The following RNF144B variants were observed in gnomAD, a reference collection of about 807,000 sequenced individuals.
The protein encoded by RNF144B is ring finger protein 144B.
Under a neutral mutation model 40.2 loss-of-function variants are expected in RNF144B, and 25 were observed. That is an observed-to-expected ratio of 0.62 (90% confidence interval 0.45 to 0.87). The LOEUF (loss-of-function observed/expected upper bound fraction) is 0.87. Among genes scored for constraint, RNF144B ranks in the 40% least tolerant of loss-of-function variants. The pLI is 0.00. For synonymous variants in RNF144B, 145 were observed against 136.3 expected (o/e 1.06, Z -0.44); for missense variants, 365 against 373.7 (o/e 0.98, Z 0.19).
At chr6:18,463,811 A>C (rs971203265) in intron 7 of RNF144B, among the ~76,000 whole-genome samples, 1 of 152,224 alleles carries the variant, frequency 6.6e-6, no homozygotes, top group Admixed American at 6.5e-5. Context: ...ACAATTCCAC[A>C]TGGCTGGGGA....
rs1003444040 is a variant in RNF144B, at chr6:18,457,838, G to A, written c.536+479G>A. ...CCTAAATTCTTTCAGCACGTAGAAA[G>A]GAGGGTTCTCTCATGATATTTTATG... On this transcript the variant is annotated intron_variant, in intron 5 of 7. Transcript: ENST00000259939. The surrounding 1 kb of genome is among the most constrained non-coding windows in gnomAD (Gnocchi z 5.1). Among the ~76,000 whole-genome samples the A allele has an allele frequency of 2.0e-5, 3 of 152,200 alleles. No individual in the cohort carries two copies. Among genetic ancestry groups the A allele is most frequent in the Non-Finnish European group, 4.4e-5 (3 of 68,032 alleles).
intron 1 of RNF144B, 51 bp from the exon 2 acceptor site, chr6:18,399,448 C>G (rs1391247752): frequency 1.5e-6 from 2 of 1,330,556 alleles, no homozygotes; most frequent in Non-Finnish European, 2.1e-6. Flanking sequence ...GTTGGCTAAA[C>G]AATAGCTTTA....
At chr6:18,404,479 T>TA (rs1363857992) in intron 2 of RNF144B, among the ~76,000 whole-genome samples, 2 of 152,174 alleles carry the variant, frequency 1.3e-5, no homozygotes, top group Non-Finnish European at 2.9e-5. Context: ...GCTGAGCTGT[T>TA]ACGTTCTTCA....
chr6:18,399,033 C>CT (rs1158050138), intron 1 of RNF144B, among the ~76,000 whole-genome samples: 4 of 152,270 alleles, frequency 2.6e-5, no homozygotes, highest in Non-Finnish European at 5.9e-5. Flanking sequence ...TATATAAATG[C>CT]TTAAATCAAG....
At chr6:18,462,385 A>G (rs1279783233) in intron 6 of RNF144B, among the ~76,000 whole-genome samples, 1 of 151,702 alleles carries the variant, frequency 6.6e-6, no homozygotes, top group Non-Finnish European at 1.5e-5. Context: ...CAGTGATACC[A>G]CCTCTGTTGG....
chr6:18,439,639 C>T (rs768731528), intron 3 of RNF144B, 45 bp from the exon 4 acceptor site: 3 of 1,315,922 alleles, frequency 2.3e-6, no homozygotes, highest in Non-Finnish European at 3.3e-6. Context: ...TAACTCAGGG[C>T]ACTATGATGA....
Position 18,459,631 on chromosome 6 carries a change from A to G in RNF144B, c.561A>G (p.Glu187=). The change falls in exon 6 of 8, where the codon GAA becomes GAG. Residue 187 remains glutamate, a synonymous_variant. Transcript: ENST00000259939. This position sits in a 1 kb window ranked among gnomAD's most constrained non-coding sequence, Gnocchi z 4.2. ...EHRALFGTDA[E]APIKQCPVCR... Reference sequence around the variant, plus strand: ...GAGCCCTCTTTGGGACAGATGCAGAAGCCCCCATTAAGCAGTGCCCAGTTT... The same window carrying G: ...GAGCCCTCTTTGGGACAGATGCAGAGGCCCCCATTAAGCAGTGCCCAGTTT... 1.2e-6 allele frequency: 2 copies of G among 1,613,902 alleles called. No individual in the cohort carries two copies. Among genetic ancestry groups the G allele is most frequent in the Non-Finnish European group, 1.7e-6 (2 of 1,179,856 alleles).
In RNF144B at chr6:18,405,096, A is replaced by T. The variant is rs991262495; in HGVS notation, c.165+5397A>T. 6.6e-6 allele frequency among the ~76,000 whole-genome samples: 1 copy of T among 151,852 alleles called. No homozygotes were observed. The highest frequency in any genetic ancestry group is 2.4e-5 in the African/African-American group (1 of 41,330). On this transcript the variant is annotated intron_variant, in intron 2 of 7. Transcript: ENST00000259939. The surrounding 1 kb of genome is among the most constrained non-coding windows in gnomAD (Gnocchi z 4.5). ...TTCTGCCAGTTCAAAGCACTGTATT[A>T]TTCTGTTGGTTTCTGGTACCTAAAT...
At chr6:18,452,616 T>TA (rs1759232919) in intron 4 of RNF144B, among the ~76,000 whole-genome samples, 1 of 152,094 alleles carries the variant, frequency 6.6e-6, no homozygotes. Flanking sequence ...AAACCAATTT[T>TA]AAAAAATTAT....
intron 2 of RNF144B, among the ~76,000 whole-genome samples, chr6:18,407,870 A>G (rs1207280193): frequency 6.6e-6 from 1 of 152,038 alleles, no homozygotes; most frequent in Non-Finnish European, 1.5e-5. Flanking sequence ...GCCTGCTATT[A>G]GTTCCAATTC....
chr6:18,431,712 C>A (rs934798938), intron 3 of RNF144B, among the ~76,000 whole-genome samples: 6 of 152,198 alleles, frequency 3.9e-5, no homozygotes, highest in Admixed American at 2.6e-4. Context: ...ACACGTGATT[C>A]TTCATTCTTC....
intron 3 of RNF144B, among the ~76,000 whole-genome samples, chr6:18,431,059 A>G (rs1271040225): frequency 6.6e-6 from 1 of 151,912 alleles, no homozygotes; most frequent in East Asian, 1.9e-4. Flanking sequence ...GGGCTAACAC[A>G]GTGAAACCCC....
intron 2 of RNF144B, among the ~76,000 whole-genome samples, chr6:18,421,835 G>T (rs1758435844): frequency 6.6e-6 from 1 of 152,174 alleles, no homozygotes; most frequent in Admixed American, 6.5e-5. Context: ...ATGAGGCAGG[G>T]AAGGCTTCTG....
At chr6:18,429,430 A>G (rs1758643943) in intron 3 of RNF144B, among the ~76,000 whole-genome samples, 1 of 152,170 alleles carries the variant, frequency 6.6e-6, no homozygotes, top group Non-Finnish European at 1.5e-5. Flanking sequence ...ACAGTTTTTA[A>G]CAATTTGTGT....
rs147797969 is a variant in RNF144B at position 18,462,560 on chromosome 6, C to T, written c.682-731C>T. Among the ~76,000 whole-genome samples, 16 of 152,286 alleles carry T rather than the reference C, an allele frequency of 1.1e-4. No individual in the cohort carries two copies. In the East Asian group the frequency reaches 3.1e-3, roughly 29 times the overall value. ...TTCTTCTACCCCATGTACACCGATG[C>T]CCAGTTGAGTCCCCTTTCTCCATTT... On this transcript the variant is annotated intron_variant, in intron 6 of 7. Coordinates refer to ENST00000259939, the MANE Select transcript of RNF144B (RefSeq NM_182757.4).
intron 3 of RNF144B, among the ~76,000 whole-genome samples, chr6:18,430,486 TTCTCTCTC>T (rs5874639): frequency 6.7e-6 from 1 of 149,090 alleles, no homozygotes; most frequent in African/African-American, 2.5e-5. Context: ...GCTTCTTGCT[TTCTCTCTC>T]TCTCTCTCTC....
Position 18,419,064 on chromosome 6 carries a change from C to T in RNF144B, c.166-8517C>T, listed in dbSNP as rs1195852177. 6.6e-6 allele frequency among the ~76,000 whole-genome samples: 1 copy of T among 152,124 alleles called. No individual in the cohort carries two copies. The highest frequency in any genetic ancestry group is 2.4e-5 in the African/African-American group (1 of 41,432). On this transcript the variant is annotated intron_variant, in intron 2 of 7. Transcript: ENST00000259939. The surrounding 1 kb of genome is among the most constrained non-coding windows in gnomAD (Gnocchi z 4.6). ...AACCTCAGACCCCACCCAAGATCCA[C>T]TGAATCAGAATCTGCATTTTTGATG...
intron 2 of RNF144B, among the ~76,000 whole-genome samples, chr6:18,420,320 G>C (rs886669782): frequency 6.6e-6 from 1 of 152,084 alleles, no homozygotes; most frequent in Non-Finnish European, 1.5e-5. Flanking sequence ...TGGATTTTCA[G>C]ATTAGGGATA....
At position 18,398,551 on chromosome 6, in the gene RNF144B, A is replaced by AT. The variant is rs1794735576; in HGVS notation, c.-36-942dup. Among the ~76,000 whole-genome samples, 2 of 151,590 alleles carry AT rather than the reference A, an allele frequency of 1.3e-5. No individual in the cohort carries two copies. Among genetic ancestry groups the AT allele is most frequent in the South Asian group, 2.1e-4 (1 of 4,808 alleles). ...TGCCTGGCTAATTTTGTATTTTTGT[A>AT]TTTTTTGTAATTTTGTATTTTTAGT... On this transcript the variant is annotated intron_variant, in intron 1 of 7. Transcript: ENST00000259939. The surrounding 1 kb of genome is among the most constrained non-coding windows in gnomAD (Gnocchi z 5.0).
Sources: gnomAD v4.1 joint callset for allele counts (sites outside exome capture counted in the v4.1 genomes callset) on GRCh38, gnomAD v4.1.1 for gene constraint, Gnocchi (gnomAD v3.1) non-coding constraint, MANE v1.5 for transcripts, NCBI Gene and HGNC (gene_info 2026-07-23, HGNC 2026-07-21) for gene names.